STK3: variants seen among roughly 807,000 people sequenced by gnomAD.
The protein encoded by STK3 is serine/threonine kinase 3.
Under a neutral mutation model 58.0 loss-of-function variants are expected in STK3, and 41 were observed. The ratio of observed to expected loss-of-function variants is 0.71; its 90% CI spans 0.55 to 0.92. The LOEUF is 0.92. Ranked by LOEUF, STK3 falls within the 40% of genes least tolerant of loss-of-function variation. STK3 has a pLI of 0.00. For synonymous variants in STK3, 170 were observed against 191.0 expected (o/e 0.89, Z 0.91); for missense variants, 479 against 602.7 (o/e 0.79, Z 2.15).
chr8:98,464,250 T>C (rs1234267099), intron 10 of STK3, among the ~76,000 whole-genome samples: 1 of 152,172 alleles, frequency 6.6e-6, no homozygotes, highest in Non-Finnish European at 1.5e-5. Flanking sequence ...TACCAGTGCA[T>C]GTCTCAGACT....
chr8:98,599,039 A>AG, intron 6 of STK3: 4 of 328,784 alleles, frequency 1.2e-5, no homozygotes, highest in African/African-American at 2.2e-5. Context: ...GGAATGAGTC[A>AG]ACACATGTCT....
chr8:98,415,983 C>T (rs1202922430), intron 3 of STK3, among the ~76,000 whole-genome samples: 2 of 152,232 alleles, frequency 1.3e-5, no homozygotes, highest in South Asian at 2.1e-4. Context: ...GGCACTTGTA[C>T]TCCATGGGGT....
intron 6 of STK3, among the ~76,000 whole-genome samples, chr8:98,693,586 G>C (rs1824584786): frequency 6.6e-6 from 1 of 152,048 alleles, no homozygotes; most frequent in Admixed American, 6.6e-5. Flanking sequence ...CCAACACTTT[G>C]ATTTCAGACT....
rs774187815 is a variant in STK3, at chr8:98,840,659, T to TAC, written c.110+42986_110+42987dup. Among the ~76,000 whole-genome samples, 6 of 147,858 alleles carry TAC rather than the reference T, an allele frequency of 4.1e-5. No homozygotes were observed. The South Asian group carries it at 8.6e-4, about 21-fold the overall frequency. ...CACATACGTTTTATATATATTTATA[T>TAC]ACACACACATAACTTATTAATTCCT... is the stretch of plus-strand genomic sequence containing the variant. On this transcript the variant is annotated intron_variant, in intron 3 of 12. Transcript: ENST00000523601.
rs151247468 is a variant in STK3 at position 98,870,099 on chromosome 8, G to C, written c.110+13548C>G. ...TATGAGTGAGAACATGTGGTGTTTG[G>C]TTTTCTGTCCTTGTGAAAGTTTGCT... is the stretch of plus-strand genomic sequence containing the variant. On this transcript the variant is annotated intron_variant, in intron 3 of 12. Transcript: ENST00000523601. Among the ~76,000 whole-genome samples the C allele has an allele frequency of 5.0e-4, 76 of 152,118 alleles. No individual in the cohort carries two copies. The East Asian group carries it at 0.013, about 26-fold the overall frequency.
At chr8:98,519,768 A>G (rs1162135070) in intron 10 of STK3, among the ~76,000 whole-genome samples, 1 of 152,002 alleles carries the variant, frequency 6.6e-6, no homozygotes, top group Non-Finnish European at 1.5e-5. Context: ...GCCCTGGAGG[A>G]TTCTTGTGTC....
At chr8:98,873,816 T>C (rs1837467997) in intron 3 of STK3, among the ~76,000 whole-genome samples, 1 of 152,212 alleles carries the variant, frequency 6.6e-6, no homozygotes, top group African/African-American at 2.4e-5. Flanking sequence ...TCTGTGTCTT[T>C]TAAGTGGAGC....
At chr8:98,504,567 T>A (rs1036566815) in intron 10 of STK3, among the ~76,000 whole-genome samples, 1 of 152,244 alleles carries the variant, frequency 6.6e-6, no homozygotes, top group Admixed American at 6.5e-5. Flanking sequence ...CTTTAGGAGC[T>A]CTTGTAAGGC....
At chr8:98,702,223 A>G (rs1287022116) in intron 6 of STK3, among the ~76,000 whole-genome samples, 1 of 152,204 alleles carries the variant, frequency 6.6e-6, no homozygotes, top group Non-Finnish European at 1.5e-5. Flanking sequence ...TATATTCCAA[A>G]TATTCCTTAT....
intron 6 of STK3, among the ~76,000 whole-genome samples, chr8:98,600,934 G>T (rs1816290233): frequency 6.6e-6 from 1 of 152,142 alleles, no homozygotes; most frequent in South Asian, 2.1e-4. Context: ...AGATGGTATA[G>T]AATCTTAAAA....
downstream of STK3, among the ~76,000 whole-genome samples, chr8:98,370,350 T>TGC (rs1276948802): frequency 6.7e-6 from 1 of 148,740 alleles, no homozygotes; most frequent in Non-Finnish European, 1.5e-5. Flanking sequence ...GCAGTGTGTG[T>TGC]GTGTGTGTGT....
intron 8 of STK3, among the ~76,000 whole-genome samples, chr8:98,575,998 A>G (rs1307134988): frequency 6.6e-6 from 1 of 152,128 alleles, no homozygotes; most frequent in Non-Finnish European, 1.5e-5. Context: ...ATGTTTTTTT[A>G]TAAGAGTTTT....
chr8:98,917,970 T>A (rs1419797762), intron 1 of STK3, among the ~76,000 whole-genome samples: 1 of 152,214 alleles, frequency 6.6e-6, no homozygotes, highest in Non-Finnish European at 1.5e-5. Context: ...AATTACCTAG[T>A]AACAATAAAG....
At chr8:98,883,901 A>G (rs1286240562) in intron 1 of STK3, 5 of 562,660 alleles carry the variant, frequency 8.9e-6, no homozygotes, top group African/African-American at 3.7e-5. Flanking sequence ...TCACATACAA[A>G]TAGGGTTGCC....
intron 3 of STK3, chr8:98,431,371 A>T (rs1285113037): frequency 6.0e-6 from 1 of 167,094 alleles, no homozygotes; most frequent in African/African-American, 2.4e-5. Flanking sequence ...GCATCAGGAA[A>T]AGTGAGATGA....
At chr8:98,913,992 T>A (rs1469960217) in intron 1 of STK3, among the ~76,000 whole-genome samples, 2 of 151,892 alleles carry the variant, frequency 1.3e-5, no homozygotes, top group African/African-American at 4.8e-5. Flanking sequence ...AACATTCTCA[T>A]GGTAATCCAA....
intron 6 of STK3, among the ~76,000 whole-genome samples, chr8:98,652,475 A>G (rs1821039059): frequency 6.6e-6 from 1 of 151,826 alleles, no homozygotes; most frequent in Admixed American, 6.6e-5. Flanking sequence ...AAATTCACAC[A>G]TAACAATATT....
intron 3 of STK3, among the ~76,000 whole-genome samples, chr8:98,764,810 C>T (rs910105093): frequency 3.3e-5 from 5 of 152,092 alleles, no homozygotes; most frequent in African/African-American, 1.2e-4. Context: ...AGTAAACAGG[C>T]ACTTAAAAGA....
intron 2 of STK3, among the ~76,000 whole-genome samples, chr8:98,767,694 T>A (rs545096933): frequency 2.6e-5 from 4 of 152,056 alleles, no homozygotes; most frequent in African/African-American, 9.7e-5. Context: ...AAGAATGAAA[T>A]GTAGATTAAA....
Sources: gnomAD v4.1 joint callset for allele counts (sites outside exome capture counted in the v4.1 genomes callset) on GRCh38, gnomAD v4.1.1 for gene constraint, MANE v1.5 for transcripts, NCBI Gene and HGNC (gene_info 2026-07-23, HGNC 2026-07-21) for gene names.